Variants in ALG14 observed in about 807,000 individuals in gnomAD.
ALG14 encodes ALG14 UDP-N-acetylglucosaminyltransferase subunit.
In ALG14, 17 loss-of-function variants were observed where a neutral mutation model predicts 22.8. The ratio of observed to expected loss-of-function variants is 0.75; its 90% confidence interval spans 0.51 to 1.12. The LOEUF (loss-of-function observed/expected upper bound fraction) is 1.12, where lower values mean the gene tolerates loss of function less well. Among genes scored for constraint, ALG14 ranks in the 50% most tolerant of loss-of-function variants. The pLI, the probability that ALG14 is intolerant of heterozygous loss-of-function variation, is 0.00. For missense variants in ALG14, 288 were observed against 271.8 expected, an observed-to-expected ratio of 1.06 and a Z score of -0.42; for synonymous variants, 89 against 103.7, an observed-to-expected ratio of 0.86 and a Z score of 0.86.
intron 2 of ALG14, among the ~76,000 whole-genome samples, chr1:95,046,113 C>T (rs1674548425): frequency 6.6e-6 from 1 of 151,878 alleles, no homozygotes; most frequent in Non-Finnish European, 1.5e-5. Context: ...ATAGTGGCCA[C>T]AACAAAAATA....
chr1:95,046,633 A>G (rs1425912227), intron 2 of ALG14, among the ~76,000 whole-genome samples: 4 of 152,164 alleles, frequency 2.6e-5, no homozygotes, highest in Non-Finnish European at 5.9e-5. Context: ...GGGCTTCTTT[A>G]TTTCCCATAT....
At chr1:95,065,052 A>C in intron 1 of ALG14, 35 bp from the exon 2 acceptor site, 2 of 1,580,934 alleles carry the variant, frequency 1.3e-6, no homozygotes, top group South Asian at 1.1e-5. Flanking sequence ...AGATTAAGAA[A>C]CCCACAATGG....
chr1:95,008,932 T>C (rs1214588512), intron 3 of ALG14, among the ~76,000 whole-genome samples: 1 of 152,174 alleles, frequency 6.6e-6, no homozygotes, highest in African/African-American at 2.4e-5. Context: ...TTAGTCCTTT[T>C]GTGCTGGCTT....
chr1:95,006,625 T>A (rs1325188339), intron 3 of ALG14, among the ~76,000 whole-genome samples: 1 of 152,198 alleles, frequency 6.6e-6, no homozygotes, highest in African/African-American at 2.4e-5. Context: ...TGGGGCTTAG[T>A]ACCCACCTTA....
chr1:95,039,486 A>G (rs1295900174), intron 2 of ALG14, among the ~76,000 whole-genome samples: 1 of 152,104 alleles, frequency 6.6e-6, no homozygotes, highest in Non-Finnish European at 1.5e-5. Flanking sequence ...AGAGTTTGGG[A>G]TAACTCTCAG....
intron 2 of ALG14, among the ~76,000 whole-genome samples, chr1:95,055,446 C>T (rs2100821554): frequency 6.6e-6 from 1 of 151,826 alleles, no homozygotes; most frequent in South Asian, 2.1e-4. Context: ...ATACAAGACA[C>T]TTAGAAATAA....
intron 3 of ALG14, among the ~76,000 whole-genome samples, chr1:95,001,685 G>A (rs933382657): frequency 4.6e-5 from 7 of 152,012 alleles, no homozygotes; most frequent in Non-Finnish European, 8.8e-5. Context: ...TAGTAGAGAT[G>A]GGGTTCCACC....
chr1:94,998,404 TG>T (rs1355161646), intron 3 of ALG14, among the ~76,000 whole-genome samples: 1 of 152,048 alleles, frequency 6.6e-6, no homozygotes, highest in African/African-American at 2.4e-5. Flanking sequence ...TCCCTTTGGT[TG>T]GGGGAAGTGC....
chr1:95,040,204 TAAA>T, intron 2 of ALG14, among the ~76,000 whole-genome samples: 1 of 149,858 alleles, frequency 6.7e-6, no homozygotes. Flanking sequence ...AATAAATAAA[TAAA>T]TAAGATTCCT....
chr1:95,029,444 G>C (rs1673929230), intron 2 of ALG14, among the ~76,000 whole-genome samples: 2 of 152,170 alleles, frequency 1.3e-5, no homozygotes, highest in Non-Finnish European at 2.9e-5. Context: ...AACCCTATTT[G>C]ATATGGAAGG....
intron 3 of ALG14, among the ~76,000 whole-genome samples, chr1:95,008,969 C>T (rs898877707): frequency 6.6e-6 from 1 of 152,108 alleles, no homozygotes; most frequent in Non-Finnish European, 1.5e-5. Context: ...CAGGGTTCAT[C>T]CATGTTGTGG....
chr1:95,004,800 C>CCCGCCT (rs1673172457), intron 3 of ALG14, among the ~76,000 whole-genome samples: 2 of 146,486 alleles, frequency 1.4e-5, no homozygotes, highest in African/African-American at 2.7e-5. Flanking sequence ...TGCCCCCGCC[C>CCCGCCT]CCGCCTTTTT....
chr1:94,989,172 T>C (rs1672713159), intron 3 of ALG14, among the ~76,000 whole-genome samples: 2 of 152,210 alleles, frequency 1.3e-5, no homozygotes, highest in African/African-American at 4.8e-5. Flanking sequence ...CTAAATCATA[T>C]TGTTATGAAC....
At chr1:95,004,763 G>A (rs1001743728) in intron 3 of ALG14, among the ~76,000 whole-genome samples, 3 of 152,026 alleles carry the variant, frequency 2.0e-5, no homozygotes, top group South Asian at 2.1e-4. Flanking sequence ...CCAACGTGCT[G>A]GGATTACAGG....
intron 3 of ALG14, among the ~76,000 whole-genome samples, chr1:94,992,500 A>G (rs915143329): frequency 6.6e-6 from 1 of 152,212 alleles, no homozygotes; most frequent in African/African-American, 2.4e-5. Flanking sequence ...AAAGAGGATG[A>G]CGAATGAAGA....
At chr1:94,991,784 CTT>C (rs1357334523) in intron 3 of ALG14, among the ~76,000 whole-genome samples, 1 of 152,068 alleles carries the variant, frequency 6.6e-6, no homozygotes, top group Admixed American at 6.6e-5. Flanking sequence ...TTTGAAAAAA[CTT>C]TGATTTTTGT....
At chr1:95,010,514 A>C (rs921456057) in intron 3 of ALG14, among the ~76,000 whole-genome samples, 5 of 152,238 alleles carry the variant, frequency 3.3e-5, no homozygotes, top group African/African-American at 1.2e-4. Flanking sequence ...ATAAAGCTGA[A>C]ATTCAGCCAT....
intron 3 of ALG14, among the ~76,000 whole-genome samples, chr1:95,010,750 G>A (rs547488092): frequency 5.9e-5 from 9 of 151,876 alleles, no homozygotes; most frequent in Non-Finnish European, 1.2e-4. Flanking sequence ...TGTGTATTAC[G>A]GATTTAGAAA....
intron 3 of ALG14, among the ~76,000 whole-genome samples, chr1:95,015,796 G>T (rs763129822): frequency 6.6e-6 from 1 of 152,200 alleles, no homozygotes; most frequent in Non-Finnish European, 1.5e-5. Context: ...TGCCTGAAGA[G>T]GCTCACTGTG....
Sources: gnomAD v4.1 joint callset for allele counts (sites outside exome capture counted in the v4.1 genomes callset) on GRCh38, gnomAD v4.1.1 for gene constraint, MANE v1.5 for transcripts, NCBI Gene and HGNC (gene_info 2026-07-23, HGNC 2026-07-21) for gene names.